ALDH6A1: variants seen among roughly 807,000 people sequenced by gnomAD.
ALDH6A1 encodes the protein methylmalonate-semialdehyde/malonate-semialdehyde dehydrogenase [acylating], mitochondrial.
ALDH6A1 carries 43 observed loss-of-function variants against 62.6 expected under a neutral mutation model. The observed-to-expected ratio is 0.69, with a 90% CI of 0.54 to 0.89. The LOEUF (loss-of-function observed/expected upper bound fraction) is 0.89, where lower values mean the gene tolerates loss of function less well. Among genes scored for constraint, ALDH6A1 ranks in the 40% least tolerant of loss-of-function variants. ALDH6A1 has a pLI of 0.00. For synonymous variants in ALDH6A1, 194 were observed against 234.2 expected (o/e 0.83, Z 1.57); for missense variants, 551 against 661.3 (o/e 0.83, Z 1.83).
In ALDH6A1 at chr14:74,066,762, T is replaced by G. The variant is rs749236538; in HGVS notation, c.1167A>C (p.Lys389Asn). 1 of 1,614,152 alleles carries G rather than the reference T, an allele frequency of 6.2e-7. No homozygotes were observed. Among genetic ancestry groups the G allele is most frequent in the East Asian group, 2.2e-5 (1 of 44,880 alleles). Residue 389 changes from lysine to asparagine, a missense_variant, in exon 9 of 12, where the codon AAA (lysine) becomes AAC (asparagine). Physicochemically the swap from Lys to Asn is moderately conservative, Grantham distance 94. Transcript: ENST00000553458. The stretch of plus-strand genomic sequence containing the variant: ...AGTTGCCATTTTCATAGCCTTTCAC[T>G]TTAATTTTTCGTCCATCAAGAAGGA... ...ASILLDGRKIKVKGYENGNFV... is the reference protein window; with the variant it reads ...ASILLDGRKINVKGYENGNFV...
intron 1 of ALDH6A1, among the ~76,000 whole-genome samples, chr14:74,078,560 C>T (rs1477033038): frequency 6.6e-6 from 1 of 152,082 alleles, no homozygotes; most frequent in Non-Finnish European, 1.5e-5. Flanking sequence ...CAGAGTCTCA[C>T]TCTGTCACCC....
chr14:74,080,003 A>T (rs1001711533), intron 1 of ALDH6A1, among the ~76,000 whole-genome samples: 7 of 152,054 alleles, frequency 4.6e-5, no homozygotes, highest in Admixed American at 3.9e-4. Flanking sequence ...GTGCCACTGC[A>T]CTCCAGCCTG....
intron 1 of ALDH6A1, chr14:74,081,022 GGCAC>G (rs2060663316): frequency 6.6e-6 from 1 of 152,142 alleles, no homozygotes; most frequent in Admixed American, 6.6e-5. Flanking sequence ...TCTCTTGCCT[GGCAC>G]TGTTTCATCT....
chr14:74,076,219 A>G (rs576809640), intron 1 of ALDH6A1, among the ~76,000 whole-genome samples: 10 of 152,350 alleles, frequency 6.6e-5, no homozygotes, highest in South Asian at 6.2e-4. Flanking sequence ...TAATAAAGCT[A>G]TATTGAAATG....
rs767433735 is a variant in ALDH6A1 at position 74,064,729 on chromosome 14, G to T, written c.1503+93C>A. On this transcript the variant is annotated intron_variant, in intron 11 of 11. Transcript: ENST00000553458. ...CACTGATTATGACCTCACAGATGCT[G>T]CTGGCAGTCCCTTCCTTGCAGAATC... The T allele has an allele frequency of 3.1e-6, 5 of 1,613,310 alleles. No individual in the cohort carries two copies. In the East Asian group the frequency reaches 8.9e-5, roughly 29 times the overall value.
intron 6 of ALDH6A1, 88 bp from the exon 7 acceptor site, chr14:74,069,069 T>G: frequency 7.2e-7 from 1 of 1,389,700 alleles, no homozygotes; most frequent in South Asian, 1.2e-5. Flanking sequence ...GCTATGGATT[T>G]GAAGTTTTCC....
At position 74,072,564 on chromosome 14, in the gene ALDH6A1, A is replaced by T. The variant is rs1299421191; in HGVS notation, c.159T>A (p.Ser53Arg). The change falls in exon 3 of 12, where the codon AGT becomes AGA. Residue 53 changes from serine to arginine, a missense_variant. By Grantham distance (110) the Ser-to-Arg change is moderately radical (BLOSUM62 -1). Transcript: ENST00000553458. ...GGTTGTGGATATCGATCCATTTGTC[A>T]CTTTTGGATTCAACGAATTTCCCAC... ...FIGGKFVESK[S>R]DKWIDIHNPA... The T allele has an allele frequency of 6.2e-7, 1 of 1,614,132 alleles. No individual in the cohort carries two copies. The highest frequency in any genetic ancestry group is 1.1e-5 in the South Asian group (1 of 91,084).
chr14:74,064,650 C>G, intron 11 of ALDH6A1, 172 bp downstream of exon 11: 1 of 1,611,750 alleles, frequency 6.2e-7, no homozygotes, highest in Non-Finnish European at 8.5e-7. Flanking sequence ...GAAGAAGCAG[C>G]TTTGGCAAAA....
chr14:74,077,709 A>G (rs375732124), intron 1 of ALDH6A1, among the ~76,000 whole-genome samples: 1 of 152,190 alleles, frequency 6.6e-6, no homozygotes, highest in African/African-American at 2.4e-5. Flanking sequence ...CTAGGTCCCA[A>G]CACTATCACA....
chr14:74,071,539 A>G (rs374266335), intron 5 of ALDH6A1, 42 bp from the exon 6 acceptor site: 6 of 1,612,572 alleles, frequency 3.7e-6, no homozygotes, highest in South Asian at 1.1e-5. Context: ...CACACTGTGT[A>G]CTAGTTAGCT....
Position 74,057,992 on chromosome 14 carries a change from C to A in ALDH6A1, c.*2650G>T. ...CCACTTGGAATATAGACAATAATGA[C>A]CTTTTATTTAACCCAGCCTATAGTT... On this transcript the variant is annotated 3_prime_UTR_variant, in exon 12 of 12. Coordinates refer to ENST00000553458, the MANE Select transcript of ALDH6A1 (RefSeq NM_005589.4). 1 of 791,584 alleles carries A rather than the reference C, an allele frequency of 1.3e-6. No individual in the cohort carries two copies. Among genetic ancestry groups the A allele is most frequent in the Non-Finnish European group, 1.5e-6 (1 of 652,128 alleles). The allele number at this position is 791,584 out of a possible 1,614,324, so 49.0% of individuals were successfully genotyped here.
intron 1 of ALDH6A1, among the ~76,000 whole-genome samples, chr14:74,075,856 G>GA (rs1191333496): frequency 6.6e-6 from 1 of 152,096 alleles, no homozygotes; most frequent in East Asian, 1.9e-4. Context: ...GGTGAATAAG[G>GA]AAACTAATGT....
chr14:74,056,869 C>A lies in ALDH6A1; in HGVS notation c.*3773G>T. 1 of 1,409,870 alleles carries A rather than the reference C, an allele frequency of 7.1e-7. No homozygotes were observed. Among genetic ancestry groups the A allele is most frequent in the Non-Finnish European group, 1.0e-6 (1 of 998,426 alleles). 87.3% of individuals were successfully genotyped at this position (1,409,870 alleles called of 1,614,324 possible). On this transcript the variant is annotated 3_prime_UTR_variant, in exon 12 of 12. Coordinates refer to ENST00000553458, the MANE Select transcript of ALDH6A1 (RefSeq NM_005589.4). Reference sequence around the variant, plus strand: ...ATATGAAGGCATGAGGAGACACTGCCTCATTCATTATCTTTGTTGACTTTT... The same window carrying A: ...ATATGAAGGCATGAGGAGACACTGCATCATTCATTATCTTTGTTGACTTTT...
chr14:74,075,442 A>G (rs2060602054), intron 1 of ALDH6A1, among the ~76,000 whole-genome samples: 1 of 152,044 alleles, frequency 6.6e-6, no homozygotes, highest in African/African-American at 2.4e-5. Context: ...ATATCACTTG[A>G]GTCTAGGAGT....
intron 2 of ALDH6A1, among the ~76,000 whole-genome samples, chr14:74,074,725 A>G (rs1294022299): frequency 6.6e-6 from 1 of 152,192 alleles, no homozygotes; most frequent in Non-Finnish European, 1.5e-5. Flanking sequence ...TCTAAAGGTC[A>G]TTAAGAAGAA....
intron 2 of ALDH6A1, 39 bp downstream of exon 2, chr14:74,074,916 T>A: frequency 4.4e-6 from 7 of 1,592,126 alleles, no homozygotes; most frequent in Admixed American, 1.7e-5. Context: ...TATACTGAAT[T>A]CCTTCTCAGA....
Position 74,057,755 on chromosome 14 carries a change from A to C in ALDH6A1, c.*2887T>G. On this transcript the variant is annotated 3_prime_UTR_variant, in exon 12 of 12. Coordinates refer to ENST00000553458, the MANE Select transcript of ALDH6A1 (RefSeq NM_005589.4). ...ATTTCAAATGAAGCCACATTAGAAC[A>C]AAAAGAAAATACTGACTTTTTAGCC... The C allele has an allele frequency of 8.7e-7, 1 of 1,143,810 alleles. No homozygotes were observed. Among genetic ancestry groups the C allele is most frequent in the African/African-American group, 1.7e-5 (1 of 60,544 alleles). 70.9% of individuals were successfully genotyped at this position (1,143,810 alleles called of 1,614,324 possible). A position where few individuals can be genotyped will look rare whatever the true frequency, so the allele number is the denominator to read the frequency against.
intron 2 of ALDH6A1, among the ~76,000 whole-genome samples, chr14:74,073,280 A>G (rs913184780): frequency 6.6e-6 from 1 of 150,744 alleles, no homozygotes; most frequent in African/African-American, 2.4e-5. Context: ...ATTTTTTTGT[A>G]CTTTTGATAG....
At position 74,072,572 on chromosome 14, in the gene ALDH6A1, A is replaced by G. The variant is rs61745707; in HGVS notation, c.151T>C (p.Ser51Pro). Residue 51 changes from serine to proline, a missense_variant, in exon 3 of 12, where the codon TCC becomes CCC. Ser to Pro is a moderately conservative substitution (Grantham distance 74). Transcript: ENST00000553458. Reference sequence around the variant, plus strand: ...ATATCGATCCATTTGTCACTTTTGGATTCAACGAATTTCCCACCAATGAAG... The same window carrying G: ...ATATCGATCCATTTGTCACTTTTGGGTTCAACGAATTTCCCACCAATGAAG... ...KLFIGGKFVE[S>P]KSDKWIDIHN... 746 of 1,613,986 alleles carry G rather than the reference A, an allele frequency of 4.6e-4. No individual in the cohort carries two copies. The highest frequency in any genetic ancestry group is 6.1e-4 in the Non-Finnish European group (718 of 1,180,036).
Sources: allele counts gnomAD v4.1 joint callset (sites outside exome capture counted in the v4.1 genomes callset), GRCh38; gene constraint gnomAD v4.1.1; transcripts MANE v1.5; gene names NCBI Gene and HGNC (gene_info 2026-07-23, HGNC 2026-07-21).